ARNT: variants seen among roughly 807,000 people sequenced by gnomAD.
The protein encoded by ARNT is class E basic helix-loop-helix protein 2.
In ARNT, 30 loss-of-function variants were observed where a neutral mutation model predicts 105.0. The observed-to-expected ratio is 0.29, with a 90% CI of 0.21 to 0.39. The LOEUF is 0.39. Among genes scored for constraint, ARNT ranks in the 10% least tolerant of loss-of-function variants. The pLI is 1.00. For missense variants in ARNT, 748 were observed against 978.7 expected, an observed-to-expected ratio of 0.76 and a Z score of 3.15; for synonymous variants, 304 against 344.0, an observed-to-expected ratio of 0.88 and a Z score of 1.29.
At chr1:150,869,115 C>T (rs987344900) in intron 1 of ARNT, among the ~76,000 whole-genome samples, 6 of 151,504 alleles carry the variant, frequency 4.0e-5, no homozygotes, top group African/African-American at 1.5e-4. Context: ...GCTGACACAA[C>T]AGGACCTTGT....
intron 3 of ARNT, among the ~76,000 whole-genome samples, chr1:150,846,759 C>T (rs1156363139): frequency 4.6e-5 from 7 of 152,246 alleles, no homozygotes; most frequent in African/African-American, 1.2e-4. Flanking sequence ...ACTCATCAAA[C>T]ACCATTTTCT....
chr1:150,831,775 C>T (rs746138053), intron 10 of ARNT, 43 bp downstream of exon 10: 1 of 1,392,168 alleles, frequency 7.2e-7, no homozygotes, highest in Non-Finnish European at 1.0e-6. Context: ...CTGTGAGGAA[C>T]CAACTGTACC....
chr1:150,822,058 A>C (rs1225492535), intron 14 of ARNT, among the ~76,000 whole-genome samples: 1 of 151,622 alleles, frequency 6.6e-6, no homozygotes, highest in African/African-American at 2.4e-5. Flanking sequence ...AATAGACTAG[A>C]ATTTATATAT....
At chr1:150,827,656 G>A (rs1217899220) in intron 12 of ARNT, among the ~76,000 whole-genome samples, 2 of 152,202 alleles carry the variant, frequency 1.3e-5, no homozygotes, top group African/African-American at 2.4e-5. Flanking sequence ...ATCTATGGGT[G>A]AACATGTTTT....
At chr1:150,840,100 GCA>G (rs1661009877) in intron 5 of ARNT, among the ~76,000 whole-genome samples, 1 of 152,024 alleles carries the variant, frequency 6.6e-6, no homozygotes, top group South Asian at 2.1e-4. Flanking sequence ...AATTAGCAGG[GCA>G]CAGTGGCATG....
intron 20 of ARNT, 66 bp downstream of exon 20, chr1:150,814,011 A>T: frequency 6.4e-7 from 1 of 1,570,374 alleles, no homozygotes; most frequent in Non-Finnish European, 8.7e-7. Context: ...AAACAACTTT[A>T]ACTACCAAAT....
chr1:150,876,372 C>A (rs1276890456), intron 1 of ARNT, among the ~76,000 whole-genome samples, 171 bp downstream of exon 1: 1 of 152,130 alleles, frequency 6.6e-6, no homozygotes, highest in Non-Finnish European at 1.5e-5. Context: ...CTACCCAAGT[C>A]CCCGGGATCG....
At chr1:150,848,068 G>C (rs1254256012) in intron 3 of ARNT, among the ~76,000 whole-genome samples, 3 of 152,260 alleles carry the variant, frequency 2.0e-5, no homozygotes, top group Non-Finnish European at 2.9e-5. Context: ...AAACTGAGGA[G>C]ATAAGTGTGT....
At chr1:150,850,492 C>G (rs1033830272) in intron 3 of ARNT, among the ~76,000 whole-genome samples, 1 of 152,152 alleles carries the variant, frequency 6.6e-6, no homozygotes, top group African/African-American at 2.4e-5. Flanking sequence ...CTGGGTTGGC[C>G]GGGCTGGTCT....
At chr1:150,831,324 A>G (rs1659326665) in intron 10 of ARNT, among the ~76,000 whole-genome samples, 2 of 152,234 alleles carry the variant, frequency 1.3e-5, no homozygotes, top group African/African-American at 4.8e-5. Flanking sequence ...TTGATCCTGC[A>G]ACCCAATCAC....
At chr1:150,823,989 C>T (rs968056542) in intron 13 of ARNT, among the ~76,000 whole-genome samples, 3 of 150,156 alleles carry the variant, frequency 2.0e-5, no homozygotes, top group African/African-American at 4.9e-5. Flanking sequence ...ATTATAGGCA[C>T]GTGCCACCAC....
chr1:150,856,535 G>A (rs1394988632), intron 2 of ARNT, among the ~76,000 whole-genome samples: 2 of 152,250 alleles, frequency 1.3e-5, no homozygotes, highest in East Asian at 1.9e-4. Flanking sequence ...GGCCAAGGTG[G>A]GCATATCACC....
At chr1:150,865,415 C>G (rs587686312) in intron 1 of ARNT, among the ~76,000 whole-genome samples, 6 of 152,256 alleles carry the variant, frequency 3.9e-5, no homozygotes, top group African/African-American at 9.6e-5. Flanking sequence ...AGGGAAAAAG[C>G]AGAAAACCAA....
chr1:150,852,918 A>G (rs1328679859), intron 2 of ARNT, 112 bp from the exon 3 acceptor site: 1 of 1,316,268 alleles, frequency 7.6e-7, no homozygotes, highest in Non-Finnish European at 1.1e-6. Flanking sequence ...GAAGAATGGA[A>G]AGAGGAAGTG....
chr1:150,858,823 A>G (rs1665095134), intron 1 of ARNT, among the ~76,000 whole-genome samples: 2 of 148,130 alleles, frequency 1.4e-5, no homozygotes, highest in Non-Finnish European at 3.0e-5. Flanking sequence ...GGGTCTTGAT[A>G]TGTTGCCCAG....
chr1:150,858,535 A>G, intron 1 of ARNT, 75 bp from the exon 2 acceptor site: 1 of 1,187,372 alleles, frequency 8.4e-7, no homozygotes, highest in Non-Finnish European at 1.2e-6. Context: ...CAAGTTAGCT[A>G]AAAGAAAGGT....
At position 150,875,601 on chromosome 1, in the gene ARNT, G is replaced by T. The variant is rs1191848106; in HGVS notation, c.25+942C>A. 3.3e-5 allele frequency among the ~76,000 whole-genome samples: 5 copies of T among 152,094 alleles called. No homozygotes were observed. In the East Asian group the frequency reaches 7.7e-4, roughly 23 times the overall value. Reference sequence around the variant, plus strand: ...TGGCAAGAATAACCAAGGTCTCCAAGATAAACTAGACCCCTAAAATGAAAT... The same window carrying T: ...TGGCAAGAATAACCAAGGTCTCCAATATAAACTAGACCCCTAAAATGAAAT... On this transcript the variant is annotated intron_variant, in intron 1 of 21. Transcript: ENST00000358595.
intron 1 of ARNT, among the ~76,000 whole-genome samples, chr1:150,860,218 C>CTTTTTTTTTTTTT (rs756996050): frequency 8.8e-6 from 1 of 112,998 alleles, no homozygotes; most frequent in Admixed American, 1.0e-4. Flanking sequence ...AAAAAAAATT[C>CTTTTTTTTTTTTT]TTTTTTTTTT....
At chr1:150,860,781 C>T (rs1031164978) in intron 1 of ARNT, among the ~76,000 whole-genome samples, 1 of 151,654 alleles carries the variant, frequency 6.6e-6, no homozygotes, top group African/African-American at 2.4e-5. Flanking sequence ...TAATTGAACC[C>T]AGGAGGCGGA....
Sources: gnomAD v4.1 joint callset for allele counts (sites outside exome capture counted in the v4.1 genomes callset) on GRCh38, gnomAD v4.1.1 for gene constraint, MANE v1.5 for transcripts, NCBI Gene and HGNC (gene_info 2026-07-23, HGNC 2026-07-21) for gene names.